The following HSD17B13 variants were observed in gnomAD, a reference collection of about 807,000 sequenced individuals.
HSD17B13 encodes the protein hydroxysteroid 17-beta dehydrogenase 13, also known as 17-beta-hydroxysteroid dehydrogenase 13.
Under a neutral mutation model 31.1 loss-of-function variants are expected in HSD17B13, and 26 were observed. The ratio of observed to expected loss-of-function variants is 0.84; its 90% CI spans 0.61 to 1.16. The LOEUF is 1.16. Ranked by LOEUF, HSD17B13 falls within the 50% of genes most tolerant of loss-of-function variation. The pLI is 0.00. For synonymous variants in HSD17B13, 141 were observed against 133.7 expected, an observed-to-expected ratio of 1.05 and a Z score of -0.38; for missense variants, 374 against 366.5, an observed-to-expected ratio of 1.02 and a Z score of -0.17.
intron 1 of HSD17B13, 139 bp from the exon 2 acceptor site, chr4:87,318,575 G>A (rs953847594): frequency 7.9e-6 from 5 of 629,804 alleles, no homozygotes; most frequent in Non-Finnish European, 1.4e-5. Context: ...CGAGGAGGGC[G>A]GATCACGAGG....
chr4:87,318,077 G>A (rs930913189), intron 2 of HSD17B13, among the ~76,000 whole-genome samples: 6 of 152,248 alleles, frequency 3.9e-5, no homozygotes, highest in African/African-American at 9.6e-5. Context: ...TCTTTTGTCA[G>A]TCACTCTGTG....
At chr4:87,310,197 A>G (rs971110542) in intron 6 of HSD17B13, 46 bp downstream of exon 6, 1 of 1,463,446 alleles carries the variant, frequency 6.8e-7, no homozygotes, top group Non-Finnish European at 9.0e-7. Context: ...CAAAAAAAAA[A>G]GCTCTATTGG....
chr4:87,319,089 G>A (rs1036913425), intron 1 of HSD17B13, among the ~76,000 whole-genome samples: 7 of 152,188 alleles, frequency 4.6e-5, no homozygotes, highest in African/African-American at 1.7e-4. Flanking sequence ...AGTTTAGACA[G>A]GAGAATCACT....
chr4:87,309,837 T>C (rs1734486353), intron 6 of HSD17B13, among the ~76,000 whole-genome samples: 1 of 152,066 alleles, frequency 6.6e-6, no homozygotes, highest in Admixed American at 6.6e-5. Flanking sequence ...TCCATGCCAA[T>C]TTTCACAACT....
At chr4:87,311,883 C>G (rs900807106) in intron 5 of HSD17B13, among the ~76,000 whole-genome samples, 2 of 152,200 alleles carry the variant, frequency 1.3e-5, no homozygotes, top group African/African-American at 4.8e-5. Flanking sequence ...TGCCCTTTCT[C>G]TCCCTGATTT....
chr4:87,317,563 C>CTTTATTTTTTTTTTTTTTT (rs1734681075), intron 2 of HSD17B13, among the ~76,000 whole-genome samples: 1 of 49,746 alleles, frequency 2.0e-5, no homozygotes, highest in African/African-American at 8.4e-5. Context: ...TTTCTTTAAA[C>CTTTATTTTTTTTTTTTTTT]TTTTTTTTTT....
intron 5 of HSD17B13, among the ~76,000 whole-genome samples, chr4:87,312,341 ACT>A (rs1195438856): frequency 6.6e-6 from 1 of 151,924 alleles, no homozygotes; most frequent in Non-Finnish European, 1.5e-5. Flanking sequence ...AAAGTCCCTG[ACT>A]CTGTGACAAT....
Position 87,304,999 on chromosome 4 carries a change from G to T in HSD17B13, c.*219C>A. ...TTTATGTAAGCACAGAAGTTTTTAA[G>T]AGGCATGAAAGGAAAAACAGACCTA... is the stretch of plus-strand genomic sequence containing the variant. On this transcript the variant is annotated 3_prime_UTR_variant, in exon 7 of 7. Transcript: ENST00000328546. 5.1e-6 allele frequency: 2 copies of T among 391,332 alleles called. No individual in the cohort carries two copies. The highest frequency in any genetic ancestry group is 9.0e-6 in the Non-Finnish European group (2 of 221,920). 24.2% of individuals were successfully genotyped at this position (391,332 alleles called of 1,614,324 possible). A position where few individuals can be genotyped will look rare whatever the true frequency, so the allele number is the denominator to read the frequency against.
At position 87,305,203 on chromosome 4, in the gene HSD17B13, C is replaced by T. The variant is rs1344987372; in HGVS notation, c.*15G>A. On this transcript the variant is annotated 3_prime_UTR_variant, in exon 7 of 7. Transcript: ENST00000328546. ...ATCATTATCATGCATACATCTCTGG[C>T]TGGAGCTTATTTATTCATTTCATTT... is the stretch of plus-strand genomic sequence containing the variant. 4 of 1,526,518 alleles carry T rather than the reference C, an allele frequency of 2.6e-6. No individual in the cohort carries two copies. In the South Asian group the frequency reaches 4.6e-5, roughly 18 times the overall value. 94.6% of individuals were successfully genotyped at this position (1,526,518 alleles called of 1,614,324 possible). A position where few individuals can be genotyped will look rare whatever the true frequency, so the allele number is the denominator to read the frequency against.
At chr4:87,305,743 A>G (rs577944008) in intron 6 of HSD17B13, among the ~76,000 whole-genome samples, 2 of 152,048 alleles carry the variant, frequency 1.3e-5, no homozygotes, top group East Asian at 3.9e-4. Context: ...TATTGCCTAA[A>G]CAAACACTAT....
At chr4:87,317,069 A>G in intron 3 of HSD17B13, 23 bp downstream of exon 3, 5 of 1,612,134 alleles carry the variant, frequency 3.1e-6, no homozygotes, top group Non-Finnish European at 4.2e-6. Context: ...CACAAATCAG[A>G]AATGTTTCTG....
At chr4:87,312,623 G>A (rs976505868) in intron 5 of HSD17B13, among the ~76,000 whole-genome samples, 2 of 142,064 alleles carry the variant, frequency 1.4e-5, no homozygotes, top group Non-Finnish European at 3.0e-5. Flanking sequence ...TCCGCCTCCC[G>A]GGTTCACGCC....
intron 4 of HSD17B13, among the ~76,000 whole-genome samples, chr4:87,314,466 T>C (rs1244661852): frequency 6.6e-6 from 1 of 152,128 alleles, no homozygotes; most frequent in Non-Finnish European, 1.5e-5. Context: ...CACTTTGGCC[T>C]CTTAATTTTA....
chr4:87,308,209 A>G (rs1433911356), intron 6 of HSD17B13, among the ~76,000 whole-genome samples: 1 of 152,170 alleles, frequency 6.6e-6, no homozygotes, highest in Admixed American at 6.5e-5. Context: ...CTTATAAAGA[A>G]GATATTATCA....
chr4:87,318,557 T>C (rs1734712158), intron 1 of HSD17B13, 121 bp from the exon 2 acceptor site: 1 of 744,064 alleles, frequency 1.3e-6, no homozygotes. Flanking sequence ...CCCAGCACTT[T>C]GGTTGGCCGA....
At position 87,303,817 on chromosome 4, in the gene HSD17B13, T is replaced by C. The variant is rs1359390653; in HGVS notation, c.*1401A>G. ...AGTTTAGAAGTCAAACGTTTTATTT[T>C]ATAACTACAAGAGGTTATTTTTTTA... On this transcript the variant is annotated 3_prime_UTR_variant, in exon 7 of 7. Coordinates refer to ENST00000328546, the MANE Select transcript of HSD17B13 (RefSeq NM_178135.5). 6.6e-6 allele frequency: 1 copy of C among 152,228 alleles called. No individual in the cohort carries two copies. The highest frequency in any genetic ancestry group is 6.5e-5 in the Admixed American group (1 of 15,284). 9.4% of individuals were successfully genotyped at this position (152,228 alleles called of 1,614,324 possible).
At chr4:87,313,511 T>C (rs1251909910) in intron 5 of HSD17B13, among the ~76,000 whole-genome samples, 1 of 152,168 alleles carries the variant, frequency 6.6e-6, no homozygotes, top group Non-Finnish European at 1.5e-5. Flanking sequence ...ACTAAGGAGC[T>C]AGATACTCAA....
intron 6 of HSD17B13, among the ~76,000 whole-genome samples, chr4:87,309,685 G>A (rs535809940): frequency 1.3e-5 from 2 of 152,222 alleles, no homozygotes; most frequent in South Asian, 4.1e-4. Context: ...TTTTTAAACT[G>A]TGTTTCCTTT....
rs116344611 is a variant in HSD17B13, at chr4:87,305,394, C to T, written c.813-86G>A. ...TCTGTTTTTGGTCATTTAGAATACG[C>T]TGAGAGTTATCTGGTTTGCGTTTAA... is the stretch of plus-strand genomic sequence containing the variant. On this transcript the variant is annotated intron_variant, in intron 6 of 6. Transcript: ENST00000328546. 7.3e-4 allele frequency: 557 copies of T among 761,798 alleles called. 1 individual carries two copies. In the African/African-American group the frequency reaches 8.7e-3, roughly 12 times the overall value. The allele number at this position is 761,798 out of a possible 1,614,324, so 47.2% of individuals were successfully genotyped here.
Sources: gnomAD v4.1 joint callset for allele counts (sites outside exome capture counted in the v4.1 genomes callset) on GRCh38, gnomAD v4.1.1 for gene constraint, MANE v1.5 for transcripts, NCBI Gene and HGNC (gene_info 2026-07-23, HGNC 2026-07-21) for gene names.